HSD17B12: variants seen among roughly 807,000 people sequenced by gnomAD.
HSD17B12 encodes hydroxysteroid 17-beta dehydrogenase 12, also known as very-long-chain 3-oxoacyl-CoA reductase.
Under a neutral mutation model 39.3 loss-of-function variants are expected in HSD17B12, and 32 were observed. That is an observed-to-expected ratio of 0.81 (90% CI 0.61 to 1.09). The LOEUF is 1.09. Among genes scored for constraint, HSD17B12 ranks in the 50% least tolerant of loss-of-function variants. The pLI is 0.00. For missense variants in HSD17B12, 342 were observed against 382.9 expected, an observed-to-expected ratio of 0.89 and a Z score of 0.89; for synonymous variants, 150 against 146.7, an observed-to-expected ratio of 1.02 and a Z score of -0.16.
In HSD17B12 at chr11:43,821,975, A is replaced by G. The variant is rs574177467; in HGVS notation, c.501+5584A>G. Among the ~76,000 whole-genome samples the G allele has an allele frequency of 6.6e-5, 10 of 152,298 alleles. No individual in the cohort carries two copies. The South Asian group carries it at 2.1e-3, about 32-fold the overall frequency. ...ATTACCTGAACTGCCTGTGGTGCCTATGGAAAGGTGGGAAAACCATTCCTT... is the reference window on the plus strand; with the variant it reads ...ATTACCTGAACTGCCTGTGGTGCCTGTGGAAAGGTGGGAAAACCATTCCTT... On this transcript the variant is annotated intron_variant, in intron 6 of 10. Transcript: ENST00000278353.
At chr11:43,602,406 T>C in the HSD17B12 span, among the ~76,000 whole-genome samples, 1 of 152,224 alleles carries the variant, frequency 6.6e-6, no homozygotes, top group African/African-American at 2.4e-5. Flanking sequence ...GTACCAATAA[T>C]GTATGCACAC....
At chr11:43,768,387 C>T (rs1332650888) in intron 3 of HSD17B12, among the ~76,000 whole-genome samples, 1 of 152,176 alleles carries the variant, frequency 6.6e-6, no homozygotes, top group African/African-American at 2.4e-5. Flanking sequence ...CAGAGTCTCA[C>T]TCTGTACCCC....
chr11:43,726,438 C>G (rs1377638719), intron 1 of HSD17B12, among the ~76,000 whole-genome samples: 1 of 152,158 alleles, frequency 6.6e-6, no homozygotes, highest in Non-Finnish European at 1.5e-5. Context: ...CTTGAGATGG[C>G]TCATCTAAAC....
intron 1 of HSD17B12, among the ~76,000 whole-genome samples, chr11:43,690,406 T>TATATATATA (rs1949851440): frequency 1.6e-5 from 1 of 64,486 alleles, no homozygotes; most frequent in Non-Finnish European, 2.8e-5. Flanking sequence ...ATATATATAT[T>TATATATATA]TTTTTTTTTT....
chr11:43,826,366 A>T (rs1243496709), intron 6 of HSD17B12, among the ~76,000 whole-genome samples: 1 of 152,104 alleles, frequency 6.6e-6, no homozygotes, highest in Non-Finnish European at 1.5e-5. Flanking sequence ...TACAGGCATG[A>T]GCCACTGTGC....
chr11:43,721,069 G>GT (rs569988582), intron 1 of HSD17B12, among the ~76,000 whole-genome samples: 2 of 151,474 alleles, frequency 1.3e-5, no homozygotes, highest in Admixed American at 6.6e-5. Context: ...TTATATGTTA[G>GT]TTTTTTTTAA....
chr11:43,728,265 C>A (rs1950238870), intron 1 of HSD17B12, among the ~76,000 whole-genome samples: 1 of 152,108 alleles, frequency 6.6e-6, no homozygotes, highest in South Asian at 2.1e-4. Context: ...GGGGTTTCAC[C>A]ATGTTGGCCG....
the HSD17B12 span, among the ~76,000 whole-genome samples, chr11:43,655,561 T>C: frequency 1.3e-5 from 2 of 152,208 alleles, no homozygotes; most frequent in African/African-American, 4.8e-5. Context: ...ATAGCTCTTA[T>C]TATTTTGAGA....
chr11:43,576,534 C>T, the HSD17B12 span: 56 of 152,240 alleles, frequency 3.7e-4, no homozygotes, highest in Non-Finnish European at 7.1e-4. Context: ...TTTTTCCTCT[C>T]CTCTCTCCTC....
chr11:43,614,645 T>C, the HSD17B12 span, among the ~76,000 whole-genome samples: 1 of 152,140 alleles, frequency 6.6e-6, no homozygotes, highest in Non-Finnish European at 1.5e-5. Flanking sequence ...TTTCTCTTTC[T>C]CTCCTGAGAC....
intron 1 of HSD17B12, among the ~76,000 whole-genome samples, chr11:43,690,377 TATATATATA>T (rs1949844291): frequency 6.0e-4 from 6 of 9,984 alleles, no homozygotes; most frequent in South Asian, 5.7e-3. Flanking sequence ...TATATATATA[TATATATATA>T]TATATATATA....
chr11:43,600,020 T>C, the HSD17B12 span, among the ~76,000 whole-genome samples: 1 of 152,216 alleles, frequency 6.6e-6, no homozygotes, highest in African/African-American at 2.4e-5. Flanking sequence ...TCGGCAGTAC[T>C]GATTTATTTC....
chr11:43,781,595 A>T (rs892107925), intron 3 of HSD17B12, among the ~76,000 whole-genome samples: 1 of 152,214 alleles, frequency 6.6e-6, no homozygotes, highest in African/African-American at 2.4e-5. Context: ...TTTGAGTGTC[A>T]TGGACCTTCT....
intron 1 of HSD17B12, among the ~76,000 whole-genome samples, chr11:43,747,246 G>A (rs1950420354): frequency 1.3e-5 from 2 of 152,204 alleles, no homozygotes; most frequent in Non-Finnish European, 2.9e-5. Context: ...AAGACATGTA[G>A]ATGTAAGGAA....
intron 4 of HSD17B12, among the ~76,000 whole-genome samples, chr11:43,811,300 T>C (rs896989034): frequency 1.3e-5 from 2 of 152,204 alleles, no homozygotes; most frequent in Non-Finnish European, 2.9e-5. Context: ...TGATTACTTA[T>C]GGTGGGGAGA....
chr11:43,830,738 A>C (rs1357982385), intron 6 of HSD17B12: 1 of 317,294 alleles, frequency 3.2e-6, no homozygotes, highest in Non-Finnish European at 5.8e-6. Flanking sequence ...AGGCAAGACT[A>C]ATTTTAGCCA....
At chr11:43,655,755 C>G in the HSD17B12 span, among the ~76,000 whole-genome samples, 1 of 152,070 alleles carries the variant, frequency 6.6e-6, no homozygotes, top group Non-Finnish European at 1.5e-5. Flanking sequence ...GGGATGAAGC[C>G]CACTTGATCA....
chr11:43,745,070 G>A (rs1022546238), intron 1 of HSD17B12, among the ~76,000 whole-genome samples: 5 of 152,196 alleles, frequency 3.3e-5, no homozygotes, highest in Admixed American at 2.0e-4. Flanking sequence ...CCTCTTTGCC[G>A]GAAGGGAGGA....
the HSD17B12 span, chr11:43,579,645 G>T: frequency 6.6e-6 from 1 of 152,216 alleles, no homozygotes; most frequent in East Asian, 1.9e-4. Flanking sequence ...GGCGGCGGGC[G>T]CAGACCGCGG....
Sources: allele counts gnomAD v4.1 joint callset (sites outside exome capture counted in the v4.1 genomes callset), GRCh38; gene constraint gnomAD v4.1.1; transcripts MANE v1.5; gene names NCBI Gene and HGNC (gene_info 2026-07-23, HGNC 2026-07-21).